Variants in GBE1 observed in about 807,000 individuals in gnomAD.
GBE1 encodes 1,4-alpha-glucan branching enzyme 1, also known as 1,4-alpha-glucan-branching enzyme.
A neutral mutation model predicts 88.8 loss-of-function variants in GBE1; 70 were observed. The ratio of observed to expected loss-of-function variants is 0.79; its 90% CI spans 0.65 to 0.96. The LOEUF (loss-of-function observed/expected upper bound fraction) is 0.96. Ranked by LOEUF, GBE1 falls within the 40% of genes least tolerant of loss-of-function variation. The pLI is 0.00. For synonymous variants in GBE1, 284 were observed against 300.1 expected (o/e 0.95, Z 0.56); for missense variants, 872 against 871.0 (o/e 1.00, Z -0.01).
At chr3:81,745,088 A>G (rs1706402722) in intron 1 of GBE1, among the ~76,000 whole-genome samples, 1 of 152,150 alleles carries the variant, frequency 6.6e-6, no homozygotes, top group African/African-American at 2.4e-5. Context: ...TATCTTACTC[A>G]TATTTGTTCT....
Position 81,511,662 on chromosome 3 carries a change from A to C in GBE1, c.1935-12435T>G, listed in dbSNP as rs142804114. Among the ~76,000 whole-genome samples, 898 of 152,088 alleles carry C rather than the reference A, an allele frequency of 5.9e-3. 9 individuals are homozygous for C. Among genetic ancestry groups the C allele is most frequent in the African/African-American group, 0.02 (825 of 41,508 alleles). On this transcript the variant is annotated intron_variant, in intron 14 of 15. Coordinates refer to ENST00000429644, the MANE Select transcript of GBE1 (RefSeq NM_000158.4). ...CCGTTTTACACCAGACACAATGGCT[A>C]TTATTAAAAAGTCAAAAAACAACAG...
intron 2 of GBE1, among the ~76,000 whole-genome samples, chr3:81,676,722 T>C (rs1480871028): frequency 6.6e-6 from 1 of 152,248 alleles, no homozygotes; most frequent in South Asian, 2.1e-4. Flanking sequence ...ACATGTGCCA[T>C]GGTGGAAAAC....
intron 3 of GBE1, among the ~76,000 whole-genome samples, chr3:81,665,918 G>A (rs1347176319): frequency 6.6e-6 from 1 of 152,220 alleles, no homozygotes; most frequent in Non-Finnish European, 1.5e-5. Flanking sequence ...ATAAAATTAT[G>A]TTAGCTATTA....
intron 14 of GBE1, 84 bp downstream of exon 14, chr3:81,535,111 C>A (rs1423286857): frequency 1.7e-6 from 2 of 1,178,368 alleles, no homozygotes; most frequent in African/African-American, 4.1e-5. Context: ...CAAGATCAAC[C>A]TTAGTCTTTT....
At chr3:81,663,150 G>A (rs957195227) in intron 3 of GBE1, among the ~76,000 whole-genome samples, 1 of 152,172 alleles carries the variant, frequency 6.6e-6, no homozygotes. Flanking sequence ...CTGGGTCCCT[G>A]GCTAGGGCTC....
At chr3:81,716,566 C>T (rs951256247) in intron 1 of GBE1, among the ~76,000 whole-genome samples, 7 of 152,012 alleles carry the variant, frequency 4.6e-5, no homozygotes, top group Admixed American at 3.9e-4. Context: ...TTTAGTGGTA[C>T]CATTTAGAAA....
intron 14 of GBE1, among the ~76,000 whole-genome samples, chr3:81,531,920 G>T (rs937153392): frequency 1.3e-5 from 2 of 151,998 alleles, no homozygotes; most frequent in Non-Finnish European, 2.9e-5. Context: ...ATATCCCTCT[G>T]CCTAGGGCTG....
At chr3:81,581,593 C>G (rs1239630136) in intron 10 of GBE1, among the ~76,000 whole-genome samples, 2 of 151,856 alleles carry the variant, frequency 1.3e-5, no homozygotes, top group Non-Finnish European at 2.9e-5. Flanking sequence ...GATTAATGCC[C>G]ACAGTAATGT....
chr3:81,643,079 C>A, intron 6 of GBE1, 89 bp from the exon 7 acceptor site: 2 of 835,240 alleles, frequency 2.4e-6, no homozygotes, highest in Non-Finnish European at 3.9e-6. Flanking sequence ...CATCGCAGTA[C>A]TAGATACTTT....
At chr3:81,495,740 G>C (rs961879218) in intron 15 of GBE1, among the ~76,000 whole-genome samples, 11 of 152,114 alleles carry the variant, frequency 7.2e-5, no homozygotes, top group East Asian at 1.9e-4. Flanking sequence ...ATTTTGAATA[G>C]AGCAGAAGAT....
At chr3:81,581,874 A>C (rs1012723966) in intron 10 of GBE1, among the ~76,000 whole-genome samples, 4 of 151,982 alleles carry the variant, frequency 2.6e-5, no homozygotes, top group Non-Finnish European at 5.9e-5. Flanking sequence ...GAACTTGCTG[A>C]GGTTAAGCTT....
intron 7 of GBE1, among the ~76,000 whole-genome samples, chr3:81,620,141 A>C (rs1704304779): frequency 6.6e-6 from 1 of 151,986 alleles, no homozygotes; most frequent in Non-Finnish European, 1.5e-5. Flanking sequence ...AGGCTGTCAT[A>C]TATGACAGCA....
intron 2 of GBE1, among the ~76,000 whole-genome samples, chr3:81,692,852 T>C (rs960463596): frequency 1.3e-5 from 2 of 152,240 alleles, no homozygotes; most frequent in Non-Finnish European, 2.9e-5. Context: ...TCTTAAGGTT[T>C]TGCAACCCAA....
intron 1 of GBE1, among the ~76,000 whole-genome samples, chr3:81,732,993 G>T (rs1406285180): frequency 6.6e-6 from 1 of 152,116 alleles, no homozygotes; most frequent in East Asian, 1.9e-4. Context: ...AATACTCTAG[G>T]CCAGGGGTCC....
At chr3:81,737,357 A>T (rs13063290) in intron 1 of GBE1, among the ~76,000 whole-genome samples, 184 of 44,952 alleles carry the variant, frequency 4.1e-3, no homozygotes, top group African/African-American at 0.015. Flanking sequence ...ATAAATATAT[A>T]TTTATATATT....
intron 12 of GBE1, among the ~76,000 whole-genome samples, chr3:81,549,434 C>T (rs1445389045): frequency 6.6e-6 from 1 of 151,574 alleles, no homozygotes; most frequent in African/African-American, 2.4e-5. Context: ...AAGGCATTGA[C>T]CAGAATGGTG....
intron 6 of GBE1, among the ~76,000 whole-genome samples, chr3:81,646,107 G>T (rs1292646887): frequency 5.3e-5 from 8 of 152,134 alleles, no homozygotes; most frequent in Admixed American, 1.3e-4. Flanking sequence ...CATAGGAAAA[G>T]ATTTTCTGAC....
intron 12 of GBE1, among the ~76,000 whole-genome samples, chr3:81,539,216 T>C (rs1703115528): frequency 6.6e-6 from 1 of 152,098 alleles, no homozygotes; most frequent in East Asian, 1.9e-4. Context: ...CCATAGCATG[T>C]TGTGCACAAG....
chr3:81,612,842 T>C (rs1704200503), intron 7 of GBE1: 1 of 429,974 alleles, frequency 2.3e-6, no homozygotes, highest in Non-Finnish European at 4.5e-6. Flanking sequence ...CAGGTGTGGA[T>C]GAGTTAGGAG....
Sources: allele counts gnomAD v4.1 joint callset (sites outside exome capture counted in the v4.1 genomes callset), GRCh38; gene constraint gnomAD v4.1.1; transcripts MANE v1.5; gene names NCBI Gene and HGNC (gene_info 2026-07-23, HGNC 2026-07-21).